The following HS6ST3 variants were observed in gnomAD, a reference collection of about 807,000 sequenced individuals.
HS6ST3 encodes the protein heparan-sulfate 6-O-sulfotransferase 3.
Under a neutral mutation model 36.7 loss-of-function variants are expected in HS6ST3, and 12 were observed. The observed-to-expected ratio is 0.33, with a 90% CI of 0.21 to 0.53. The LOEUF is 0.53. Among genes scored for constraint, HS6ST3 ranks in the 20% least tolerant of loss-of-function variants. The probability of loss-of-function intolerance (pLI) is 0.95; values close to 1 mark genes in which losing one functional copy is unlikely to be tolerated. For synonymous variants in HS6ST3, 240 were observed against 257.5 expected (o/e 0.93, Z 0.65); for missense variants, 584 against 640.9 (o/e 0.91, Z 0.96).
intron 1 of HS6ST3, chr13:96,574,483 G>GC: frequency 2.3e-6 from 1 of 427,436 alleles, no homozygotes; most frequent in Admixed American, 3.3e-5. Context: ...TTCATGCCCC[G>GC]CCCCCTACAA....
At chr13:96,745,362 C>T (rs872634) in intron 1 of HS6ST3, among the ~76,000 whole-genome samples, 84,920 of 151,904 alleles carry the variant, frequency 0.56, 25,574 homozygotes, top group African/African-American at 0.8. Context: ...TGCAAAACAA[C>T]GGTAGTGACA....
intron 1 of HS6ST3, among the ~76,000 whole-genome samples, chr13:96,802,649 A>G (rs768911813): frequency 5.9e-5 from 9 of 152,192 alleles, no homozygotes; most frequent in Non-Finnish European, 1.3e-4. Flanking sequence ...CAAACCATTC[A>G]GGAACTTGGG....
intron 1 of HS6ST3, among the ~76,000 whole-genome samples, chr13:96,787,072 A>T (rs973250434): frequency 6.6e-6 from 1 of 152,138 alleles, no homozygotes; most frequent in Non-Finnish European, 1.5e-5. Flanking sequence ...TGTGTTATTA[A>T]TGAGCAACAT....
chr13:96,418,017 C>T (rs2055543441), intron 1 of HS6ST3, among the ~76,000 whole-genome samples: 1 of 152,070 alleles, frequency 6.6e-6, no homozygotes, highest in Non-Finnish European at 1.5e-5. Flanking sequence ...GACATTATAA[C>T]TCATGCCTGA....
rs1404575694 is a variant in HS6ST3, at chr13:96,834,088, C to T, written c.*890C>T. On this transcript the variant is annotated 3_prime_UTR_variant, in exon 2 of 2. Coordinates refer to ENST00000376705, the MANE Select transcript of HS6ST3 (RefSeq NM_153456.4). ...AACATTTCTAAACTGGCCACATAAC[C>T]TTAGATTTTTAAAGGAATATTTCAG... 1 of 152,146 alleles carries T rather than the reference C, an allele frequency of 6.6e-6. No individual in the cohort carries two copies. Among genetic ancestry groups the T allele is most frequent in the African/African-American group, 2.4e-5 (1 of 41,422 alleles). 9.4% of individuals were successfully genotyped at this position (152,146 alleles called of 1,614,324 possible). A position where few individuals can be genotyped will look rare whatever the true frequency, so the allele number is the denominator to read the frequency against.
At chr13:96,604,858 G>C (rs1229127887) in intron 1 of HS6ST3, among the ~76,000 whole-genome samples, 1 of 152,072 alleles carries the variant, frequency 6.6e-6, no homozygotes, top group African/African-American at 2.4e-5. Context: ...ACCATTTAAG[G>C]TTCACGTGTC....
At chr13:96,141,840 TGA>T (rs926039156) in intron 1 of HS6ST3, among the ~76,000 whole-genome samples, 6 of 152,020 alleles carry the variant, frequency 3.9e-5, no homozygotes, top group Non-Finnish European at 7.4e-5. Flanking sequence ...AAGAAAACCC[TGA>T]GAGAGAGAAC....
At chr13:96,612,854 C>T (rs975415857) in intron 1 of HS6ST3, among the ~76,000 whole-genome samples, 2 of 152,166 alleles carry the variant, frequency 1.3e-5, no homozygotes, top group Non-Finnish European at 2.9e-5. Flanking sequence ...TACTCTCTAA[C>T]CTGGCTTCCT....
intron 1 of HS6ST3, among the ~76,000 whole-genome samples, chr13:96,151,561 A>C (rs1048382752): frequency 1.5e-4 from 23 of 152,248 alleles, no homozygotes; most frequent in African/African-American, 5.3e-4. Flanking sequence ...CTGTTTTATA[A>C]ATAGAAAAAC....
At chr13:96,677,359 G>A (rs2056702259) in intron 1 of HS6ST3, among the ~76,000 whole-genome samples, 1 of 152,022 alleles carries the variant, frequency 6.6e-6, no homozygotes, top group South Asian at 2.1e-4. Flanking sequence ...TCCACTTTTT[G>A]CCAGCAGATA....
At chr13:96,766,352 T>C (rs1467063650) in intron 1 of HS6ST3, among the ~76,000 whole-genome samples, 3 of 152,138 alleles carry the variant, frequency 2.0e-5, no homozygotes, top group African/African-American at 7.2e-5. Context: ...AAAGCACTGA[T>C]TGTGTGTGCT....
At chr13:96,132,201 T>G (rs919063176) in intron 1 of HS6ST3, among the ~76,000 whole-genome samples, 5 of 151,662 alleles carry the variant, frequency 3.3e-5, no homozygotes, top group African/African-American at 1.2e-4. Context: ...CATTCATCTG[T>G]TGATAGACAT....
At chr13:96,643,083 G>T (rs983626727) in intron 1 of HS6ST3, among the ~76,000 whole-genome samples, 5 of 151,960 alleles carry the variant, frequency 3.3e-5, no homozygotes, top group African/African-American at 1.2e-4. Flanking sequence ...TGTTTGCTTA[G>T]TGACTTTTCT....
At position 96,756,359 on chromosome 13, in the gene HS6ST3, A is replaced by G. The variant is rs534680098; in HGVS notation, c.708-76131A>G. Among the ~76,000 whole-genome samples the G allele has an allele frequency of 9.2e-5, 14 of 152,262 alleles. 2 individuals are homozygous for G. The South Asian group carries it at 2.9e-3, about 32-fold the overall frequency. ...TCATTTTGGTGAGCAGAAAATTTTAATTTAGATGAAATTGAACTTATTTTC... is the reference window on the plus strand; with the variant it reads ...TCATTTTGGTGAGCAGAAAATTTTAGTTTAGATGAAATTGAACTTATTTTC... On this transcript the variant is annotated intron_variant, in intron 1 of 1. Transcript: ENST00000376705.
At chr13:96,816,698 C>T (rs1267516769) in intron 1 of HS6ST3, among the ~76,000 whole-genome samples, 1 of 152,196 alleles carries the variant, frequency 6.6e-6, no homozygotes, top group Non-Finnish European at 1.5e-5. Context: ...TGCCCAGTGG[C>T]AGACCTATGC....
intron 1 of HS6ST3, among the ~76,000 whole-genome samples, chr13:96,521,628 C>A (rs976656460): frequency 3.9e-5 from 6 of 152,066 alleles, no homozygotes; most frequent in African/African-American, 1.4e-4. Flanking sequence ...GATTTTCTAG[C>A]TTATTTGCAT....
intron 1 of HS6ST3, among the ~76,000 whole-genome samples, chr13:96,302,623 C>A (rs563826632): frequency 1.8e-4 from 28 of 152,114 alleles, no homozygotes; most frequent in African/African-American, 6.0e-4. Context: ...AAGGACAACA[C>A]CAACATGTTA....
chr13:96,609,284 A>G (rs1417036171), intron 1 of HS6ST3, among the ~76,000 whole-genome samples: 1 of 152,120 alleles, frequency 6.6e-6, no homozygotes, highest in Non-Finnish European at 1.5e-5. Flanking sequence ...TTATTTTAAA[A>G]TAAAAAGAAT....
intron 1 of HS6ST3, among the ~76,000 whole-genome samples, chr13:96,149,294 G>T (rs899596117): frequency 2.6e-5 from 4 of 152,110 alleles, no homozygotes; most frequent in Non-Finnish European, 5.9e-5. Flanking sequence ...GCTTCGTTAT[G>T]CTGTGTGTCA....
Sources: allele counts gnomAD v4.1 joint callset (sites outside exome capture counted in the v4.1 genomes callset), GRCh38; gene constraint gnomAD v4.1.1; transcripts MANE v1.5; gene names NCBI Gene and HGNC (gene_info 2026-07-23, HGNC 2026-07-21).